MRPS28: variants seen among roughly 807,000 people sequenced by gnomAD.
The protein encoded by MRPS28 is small ribosomal subunit protein bS1m.
In MRPS28, 7 loss-of-function variants were observed where a neutral mutation model predicts 10.8. The observed-to-expected ratio is 0.65, with a 90% CI of 0.37 to 1.22. The LOEUF is 1.22. Among genes scored for constraint, MRPS28 ranks in the 50% most tolerant of loss-of-function variants. MRPS28 has a pLI of 0.02. For missense variants in MRPS28, 265 were observed against 232.9 expected (o/e 1.14, Z -0.90); for synonymous variants, 121 against 93.3 (o/e 1.30, Z -1.71).
chr8:79,929,866 T>G (rs890936413), intron 2 of MRPS28, among the ~76,000 whole-genome samples: 1 of 152,150 alleles, frequency 6.6e-6, no homozygotes, highest in South Asian at 2.1e-4. Context: ...GTTATGATTC[T>G]GTGACCCAGA....
rs556210394 is a variant in MRPS28, at chr8:79,919,054, C to G, written c.490G>C (p.Glu164Gln). Reference protein sequence around the residue: ...LGATTDTTVLEANAVLLGIQE... With the variant: ...LGATTDTTVLQANAVLLGIQE... ...ATTCCCAAGAGAACTGCATTAGCCT[C>G]TAGTACAGTTGTATCTGTTGTTGCT... Residue 164 changes from glutamate to glutamine, a missense_variant, in exon 3 of 3, where the codon GAG becomes CAG. Transcript: ENST00000276585. 1.1e-5 allele frequency: 18 copies of G among 1,611,072 alleles called. No individual in the cohort carries two copies. In the African/African-American group the frequency reaches 2.4e-4, roughly 22 times the overall value.
rs189043230 is a variant in MRPS28, at chr8:79,947,791, C to G, written c.396-28643G>C. Among the ~76,000 whole-genome samples the G allele has an allele frequency of 6.2e-3, 937 of 151,088 alleles. 7 individuals are homozygous for G. Among genetic ancestry groups the G allele is most frequent in the Non-Finnish European group, 0.011 (712 of 67,690 alleles). On this transcript the variant is annotated intron_variant, in intron 2 of 2. Transcript: ENST00000276585. ...CTGGGACTACAGGTGCCTACCACTA[C>G]GCCCGGCTAATTTTTTTTTGTATTT... is the stretch of plus-strand genomic sequence containing the variant.
intron 1 of MRPS28, among the ~76,000 whole-genome samples, chr8:80,028,325 CTA>C (rs1328869036): frequency 1.1e-4 from 17 of 152,116 alleles, no homozygotes; most frequent in Middle Eastern, 3.4e-3. Context: ...GCACTGAACT[CTA>C]TGTTTCCAAC....
chr8:80,005,693 T>C (rs923509003), intron 1 of MRPS28, among the ~76,000 whole-genome samples: 16 of 152,056 alleles, frequency 1.1e-4, no homozygotes, highest in Admixed American at 7.2e-4. Flanking sequence ...GACTGGCAAA[T>C]TGGATAAAGA....
intron 2 of MRPS28, among the ~76,000 whole-genome samples, chr8:79,984,740 G>A (rs537845097): frequency 1.9e-3 from 290 of 152,076 alleles, no homozygotes; most frequent in African/African-American, 6.7e-3. Context: ...CTAAATATAT[G>A]TGCACCCAAT....
intron 1 of MRPS28, among the ~76,000 whole-genome samples, chr8:80,023,425 A>C (rs1046959339): frequency 6.6e-6 from 1 of 152,096 alleles, no homozygotes; most frequent in African/African-American, 2.4e-5. Flanking sequence ...CTTTAAATCT[A>C]TATATTTTTA....
chr8:79,998,423 C>T (rs117858393), intron 2 of MRPS28, among the ~76,000 whole-genome samples: 2,404 of 152,206 alleles, frequency 0.016, 38 homozygotes, highest in Non-Finnish European at 0.026. Flanking sequence ...TCTAAATATA[C>T]GTATGTCTAT....
intron 2 of MRPS28, among the ~76,000 whole-genome samples, chr8:79,949,814 A>T (rs1356940880): frequency 6.6e-6 from 1 of 152,232 alleles, no homozygotes; most frequent in Non-Finnish European, 1.5e-5. Context: ...CCAACTAAAA[A>T]TAAAATATTG....
chr8:79,955,321 G>A (rs888855311), intron 2 of MRPS28, among the ~76,000 whole-genome samples: 1 of 152,086 alleles, frequency 6.6e-6, no homozygotes, highest in Non-Finnish European at 1.5e-5. Flanking sequence ...ATTTTAGGCT[G>A]TCTCTCTTCT....
intron 2 of MRPS28, among the ~76,000 whole-genome samples, chr8:79,984,098 GA>G (rs1808070615): frequency 6.6e-6 from 1 of 152,098 alleles, no homozygotes; most frequent in Non-Finnish European, 1.5e-5. Flanking sequence ...ATACAAGCCA[GA>G]AGAGAGTGGG....
intron 1 of MRPS28, among the ~76,000 whole-genome samples, chr8:80,025,598 T>C (rs1009515107): frequency 6.6e-6 from 1 of 152,346 alleles, no homozygotes. Flanking sequence ...GCAAATATTA[T>C]GTAATGATAA....
intron 2 of MRPS28, among the ~76,000 whole-genome samples, chr8:79,927,325 T>G (rs1810255816): frequency 6.6e-6 from 1 of 151,952 alleles, no homozygotes; most frequent in African/African-American, 2.4e-5. Context: ...TACACAAGAG[T>G]CAAGTTTTGG....
chr8:79,976,457 C>A (rs946645012), intron 2 of MRPS28, among the ~76,000 whole-genome samples: 2 of 152,146 alleles, frequency 1.3e-5, no homozygotes, highest in Non-Finnish European at 2.9e-5. Context: ...ATAATCCCAG[C>A]ACATTGAGAG....
chr8:79,990,249 G>A (rs548549736), intron 2 of MRPS28, among the ~76,000 whole-genome samples: 13 of 152,138 alleles, frequency 8.5e-5, no homozygotes, highest in Non-Finnish European at 1.9e-4. Context: ...ACTTCCCTAC[G>A]GCTGTGACCT....
At chr8:79,958,806 T>A (rs1370893593) in intron 2 of MRPS28, among the ~76,000 whole-genome samples, 1 of 152,154 alleles carries the variant, frequency 6.6e-6, no homozygotes, top group African/African-American at 2.4e-5. Flanking sequence ...ATGTTTCACA[T>A]TTAACCCCCA....
chr8:79,992,895 A>G (rs1006254558), intron 2 of MRPS28, among the ~76,000 whole-genome samples: 5 of 152,234 alleles, frequency 3.3e-5, no homozygotes, highest in Non-Finnish European at 5.9e-5. Context: ...AACAAGGTTA[A>G]AGAAAATAAT....
chr8:79,919,937 T>TCCCTCC (rs1554567140), intron 2 of MRPS28, among the ~76,000 whole-genome samples: 10 of 102,244 alleles, frequency 9.8e-5, no homozygotes, highest in Admixed American at 2.2e-4. Context: ...CCTAATGCTA[T>TCCCTCC]CCCTCCCCCC....
At chr8:80,009,226 C>G (rs185106587) in intron 1 of MRPS28, among the ~76,000 whole-genome samples, 2 of 151,880 alleles carry the variant, frequency 1.3e-5, no homozygotes. Context: ...AATTGAACAG[C>G]GAAAACACCT....
At chr8:79,923,974 T>C (rs969460903) in intron 2 of MRPS28, among the ~76,000 whole-genome samples, 2 of 152,228 alleles carry the variant, frequency 1.3e-5, no homozygotes, top group East Asian at 1.9e-4. Context: ...TGTCAGTGCA[T>C]GCTACTGATG....
Sources: allele counts gnomAD v4.1 joint callset (sites outside exome capture counted in the v4.1 genomes callset), GRCh38; gene constraint gnomAD v4.1.1; transcripts MANE v1.5; gene names NCBI Gene and HGNC (gene_info 2026-07-23, HGNC 2026-07-21).